PTPN13: variants seen among roughly 807,000 people sequenced by gnomAD.
PTPN13 encodes protein tyrosine phosphatase non-receptor type 13, also known as tyrosine-protein phosphatase non-receptor type 13.
PTPN13 carries 191 observed loss-of-function variants against 284.0 expected under a neutral mutation model. The ratio of observed to expected loss-of-function variants is 0.67; its 90% CI spans 0.60 to 0.76. The LOEUF is 0.76. PTPN13 is among the 30% of genes least tolerant of loss of function. The probability of loss-of-function intolerance (pLI) is 0.00; values close to 1 mark genes in which losing one functional copy is unlikely to be tolerated. For missense variants in PTPN13, 2,797 were observed against 2,939.9 expected (o/e 0.95, Z 1.12); for synonymous variants, 986 against 1,022.3 (o/e 0.96, Z 0.68).
intron 23 of PTPN13, among the ~76,000 whole-genome samples, chr4:86,762,470 C>T (rs764866035): frequency 6.6e-6 from 1 of 152,134 alleles, no homozygotes; most frequent in Non-Finnish European, 1.5e-5. Context: ...AGAGTCTCCA[C>T]AGAGAAGCCT....
chr4:86,649,997 T>C (rs1415149272), intron 2 of PTPN13, among the ~76,000 whole-genome samples: 1 of 152,174 alleles, frequency 6.6e-6, no homozygotes, highest in Non-Finnish European at 1.5e-5. Flanking sequence ...TTGTTTTGTT[T>C]TGTTTTGTGG....
chr4:86,763,994 C>T (rs746867661), intron 24 of PTPN13, among the ~76,000 whole-genome samples: 10 of 152,034 alleles, frequency 6.6e-5, no homozygotes, highest in African/African-American at 2.4e-4. Context: ...AAAAATCTAA[C>T]GCCTTTTGTT....
chr4:86,712,402 A>G (rs1442257683), intron 7 of PTPN13, among the ~76,000 whole-genome samples: 2 of 151,652 alleles, frequency 1.3e-5, no homozygotes, highest in African/African-American at 4.8e-5. Flanking sequence ...TAAACATGGA[A>G]AATGTGCCTC....
chr4:86,753,289 G>A (rs1554334112), intron 20 of PTPN13, among the ~76,000 whole-genome samples: 1 of 152,032 alleles, frequency 6.6e-6, no homozygotes, highest in Non-Finnish European at 1.5e-5. Flanking sequence ...ACACTAATTG[G>A]GAAGCTAAGA....
At chr4:86,766,797 T>C (rs533758775) in intron 27 of PTPN13, 65 of 267,564 alleles carry the variant, frequency 2.4e-4, no homozygotes, top group African/African-American at 1.2e-3. Flanking sequence ...TTAAATTTGT[T>C]GTATAAACAT....
intron 1 of PTPN13, among the ~76,000 whole-genome samples, chr4:86,605,226 T>C (rs1035361136): frequency 6.6e-6 from 1 of 151,932 alleles, no homozygotes; most frequent in South Asian, 2.1e-4. Context: ...GGACCAATAG[T>C]TCCAGATGCC....
chr4:86,607,141 C>A (rs1384326888), intron 1 of PTPN13, among the ~76,000 whole-genome samples: 1 of 151,644 alleles, frequency 6.6e-6, no homozygotes, highest in Non-Finnish European at 1.5e-5. Flanking sequence ...TCCTTTAAAA[C>A]TGTTAATCTT....
At chr4:86,672,273 T>C in intron 2 of PTPN13, 92 bp from the exon 3 acceptor site, 1 of 1,023,644 alleles carries the variant, frequency 9.8e-7, no homozygotes, top group Non-Finnish European at 1.4e-6. Context: ...GGCTGCATTA[T>C]CCATTGAAGT....
At chr4:86,796,788 A>G (rs1743388636) in intron 40 of PTPN13, 86 bp from the exon 41 acceptor site, 1 of 822,694 alleles carries the variant, frequency 1.2e-6, no homozygotes, top group Non-Finnish European at 2.0e-6. Context: ...AACAGTAAAT[A>G]TAGGAAATAA....
At chr4:86,749,595 CTG>C (rs1172219762) in intron 17 of PTPN13, among the ~76,000 whole-genome samples, 2 of 152,214 alleles carry the variant, frequency 1.3e-5, no homozygotes, top group Non-Finnish European at 2.9e-5. Flanking sequence ...TAAAATATCA[CTG>C]TGACATTGGT....
chr4:86,671,818 AG>A lies in PTPN13; in HGVS notation c.116-545del, dbSNP rs1462513548. On this transcript the variant is annotated intron_variant, in intron 2 of 47. Transcript: ENST00000411767. ...GTGAATGCCTAACAGGAATTTTCAA[AG>A]GAATTGATTTCTATCCATTTCAGAA... is the stretch of plus-strand genomic sequence containing the variant. Among the ~76,000 whole-genome samples, 15 of 152,344 alleles carry A rather than the reference AG, an allele frequency of 9.8e-5. No homozygotes were observed. The East Asian group carries it at 2.9e-3, about 29-fold the overall frequency.
intron 1 of PTPN13, among the ~76,000 whole-genome samples, chr4:86,612,268 A>G (rs1206827491): frequency 6.6e-6 from 1 of 152,258 alleles, no homozygotes; most frequent in African/African-American, 2.4e-5. Context: ...AATATGATCT[A>G]TAATGAGAAG....
At chr4:86,775,388 TTAAGAG>T in intron 34 of PTPN13, 46 bp downstream of exon 34, 1 of 1,602,010 alleles carries the variant, frequency 6.2e-7, no homozygotes, top group Non-Finnish European at 8.5e-7. Context: ...CTTGGTTAGC[TTAAGAG>T]TAAGTACTTT....
In PTPN13 at chr4:86,710,718, A is replaced by G. The variant is rs1374897382; in HGVS notation, c.1196-5812A>G. On this transcript the variant is annotated intron_variant, in intron 7 of 47. Coordinates refer to ENST00000411767, the MANE Select transcript of PTPN13 (RefSeq NM_080683.3). Reference sequence around the variant, plus strand: ...TTTTCATTGTTGCTGTATAAATGGCATCAATATAATAGAGTCACTGTGAAT... The same window carrying G: ...TTTTCATTGTTGCTGTATAAATGGCGTCAATATAATAGAGTCACTGTGAAT... Among the ~76,000 whole-genome samples, 4 of 152,224 alleles carry G rather than the reference A, an allele frequency of 2.6e-5. No individual in the cohort carries two copies. The East Asian group carries it at 5.8e-4, about 22-fold the overall frequency.
At chr4:86,639,930 T>C (rs1274153026) in intron 2 of PTPN13, among the ~76,000 whole-genome samples, 1 of 152,070 alleles carries the variant, frequency 6.6e-6, no homozygotes, top group Non-Finnish European at 1.5e-5. Context: ...CTCAAGGACA[T>C]TGTGATGCAT....
intron 1 of PTPN13, chr4:86,595,619 C>A (rs1763614794): frequency 6.4e-6 from 2 of 310,730 alleles, no homozygotes; most frequent in Non-Finnish European, 9.4e-6. Context: ...GTTCGACAGC[C>A]TTGTGTCATT....
chr4:86,659,072 AAG>A (rs1726178931), intron 2 of PTPN13, among the ~76,000 whole-genome samples: 1 of 152,140 alleles, frequency 6.6e-6, no homozygotes, highest in South Asian at 2.1e-4. Flanking sequence ...TTTAAGGAAA[AAG>A]AGAAAATATT....
chr4:86,703,349 C>G (rs1444340694), intron 7 of PTPN13, among the ~76,000 whole-genome samples: 1 of 151,150 alleles, frequency 6.6e-6, no homozygotes, highest in African/African-American at 2.4e-5. Flanking sequence ...TGTTGTACAA[C>G]AGCTAGTATA....
intron 47 of PTPN13, among the ~76,000 whole-genome samples, chr4:86,812,890 G>C (rs1745402442): frequency 6.6e-6 from 1 of 151,980 alleles, no homozygotes. Flanking sequence ...AGTCTGGGGA[G>C]GAAGGTGTAG....
Sources: allele counts gnomAD v4.1 joint callset (sites outside exome capture counted in the v4.1 genomes callset), GRCh38; gene constraint gnomAD v4.1.1; transcripts MANE v1.5; gene names NCBI Gene and HGNC (gene_info 2026-07-23, HGNC 2026-07-21).